Variants in MACROD2 observed in about 807,000 individuals in gnomAD.
The protein encoded by MACROD2 is ADP-ribose glycohydrolase MACROD2.
MACROD2 carries 36 observed loss-of-function variants against 70.4 expected under a neutral mutation model. That is an observed-to-expected ratio of 0.51 (90% CI 0.39 to 0.68). The LOEUF (loss-of-function observed/expected upper bound fraction) is 0.68. Among genes scored for constraint, MACROD2 ranks in the 30% least tolerant of loss-of-function variants. The probability of loss-of-function intolerance (pLI) is 0.00; values close to 1 mark genes in which losing one functional copy is unlikely to be tolerated. For synonymous variants in MACROD2, 172 were observed against 178.8 expected, an observed-to-expected ratio of 0.96 and a Z score of 0.30; for missense variants, 496 against 538.4, an observed-to-expected ratio of 0.92 and a Z score of 0.78.
At chr20:15,826,368 A>G (rs989248039) in intron 8 of MACROD2, among the ~76,000 whole-genome samples, 2 of 152,154 alleles carry the variant, frequency 1.3e-5, no homozygotes, top group Non-Finnish European at 2.9e-5. Flanking sequence ...AAAACATACT[A>G]TGTGCTAAGT....
chr20:14,185,577 A>G (rs2081337915), intron 3 of MACROD2, among the ~76,000 whole-genome samples: 1 of 152,326 alleles, frequency 6.6e-6, no homozygotes, highest in Admixed American at 6.5e-5. Flanking sequence ...GCAGAGTTAT[A>G]ACTATACATT....
chr20:15,617,148 C>T (rs2049050697), intron 8 of MACROD2, among the ~76,000 whole-genome samples: 1 of 152,098 alleles, frequency 6.6e-6, no homozygotes, highest in Admixed American at 6.6e-5. Flanking sequence ...AGGCTTTGTG[C>T]TCTTTTTCCC....
At chr20:15,544,178 A>G (rs1000520655) in intron 8 of MACROD2, among the ~76,000 whole-genome samples, 1 of 152,214 alleles carries the variant, frequency 6.6e-6, no homozygotes, top group Non-Finnish European at 1.5e-5. Flanking sequence ...AGACTCTGGG[A>G]AACAGACTTT....
At chr20:15,541,391 C>T (rs1419078482) in intron 8 of MACROD2, among the ~76,000 whole-genome samples, 4 of 151,936 alleles carry the variant, frequency 2.6e-5, no homozygotes, top group Non-Finnish European at 5.9e-5. Flanking sequence ...AAGGAAAGGG[C>T]CAAGTAGAAA....
chr20:15,221,715 G>A (rs2076863090), intron 5 of MACROD2, among the ~76,000 whole-genome samples: 1 of 152,156 alleles, frequency 6.6e-6, no homozygotes, highest in Admixed American at 6.5e-5. Flanking sequence ...TGGCATTTTG[G>A]TAGAAATTGA....
intron 3 of MACROD2, among the ~76,000 whole-genome samples, chr20:14,196,080 C>G (rs1041322162): frequency 5.9e-5 from 9 of 152,082 alleles, no homozygotes; most frequent in African/African-American, 2.2e-4. Flanking sequence ...ACAGCCTGCC[C>G]GTCTGTATGC....
At chr20:15,174,485 G>C (rs2076445119) in intron 5 of MACROD2, among the ~76,000 whole-genome samples, 1 of 152,140 alleles carries the variant, frequency 6.6e-6, no homozygotes, top group Non-Finnish European at 1.5e-5. Context: ...TGTCTTTATA[G>C]CAGCATGATT....
intron 8 of MACROD2, among the ~76,000 whole-genome samples, chr20:15,643,817 A>C (rs1403404931): frequency 6.6e-6 from 1 of 152,190 alleles, no homozygotes; most frequent in African/African-American, 2.4e-5. Flanking sequence ...AGAGGCTTAA[A>C]ATTAGATGGA....
intron 5 of MACROD2, among the ~76,000 whole-genome samples, chr20:15,129,627 G>A (rs1205079423): frequency 1.3e-5 from 2 of 152,062 alleles, no homozygotes; most frequent in Non-Finnish European, 2.9e-5. Context: ...ATCATTCCAA[G>A]TTGTTTTTAT....
intron 4 of MACROD2, among the ~76,000 whole-genome samples, chr20:14,639,045 A>G (rs900629111): frequency 2.0e-5 from 3 of 152,158 alleles, no homozygotes; most frequent in African/African-American, 7.2e-5. Context: ...AAAATAATAC[A>G]TACATACCTA....
intron 4 of MACROD2, among the ~76,000 whole-genome samples, chr20:14,684,502 A>T (rs2070974634): frequency 6.6e-6 from 1 of 152,150 alleles, no homozygotes; most frequent in African/African-American, 2.4e-5. Context: ...TCAAGTTAAT[A>T]GCTTAAAATT....
At chr20:14,379,444 A>G (rs1206771742) in intron 3 of MACROD2, among the ~76,000 whole-genome samples, 1 of 152,222 alleles carries the variant, frequency 6.6e-6, no homozygotes, top group African/African-American at 2.4e-5. Flanking sequence ...TTAAGCTTTT[A>G]ATTGTAAGAA....
chr20:14,049,971 C>T (rs2053542273), intron 2 of MACROD2, among the ~76,000 whole-genome samples: 1 of 151,556 alleles, frequency 6.6e-6, no homozygotes, highest in Non-Finnish European at 1.5e-5. Flanking sequence ...ATAATCCCAG[C>T]TACTCAGGAG....
intron 4 of MACROD2, among the ~76,000 whole-genome samples, chr20:14,630,660 A>C (rs1279901888): frequency 6.6e-6 from 1 of 152,204 alleles, no homozygotes; most frequent in Non-Finnish European, 1.5e-5. Flanking sequence ...TGTTTGATTA[A>C]AAATATGCCC....
intron 4 of MACROD2, among the ~76,000 whole-genome samples, chr20:14,576,167 A>T (rs1298345374): frequency 6.6e-6 from 1 of 152,196 alleles, no homozygotes; most frequent in Admixed American, 6.5e-5. Flanking sequence ...GAAAGAGAAG[A>T]AAGGATGTCA....
At chr20:15,244,487 A>G (rs1023356900) in intron 6 of MACROD2, among the ~76,000 whole-genome samples, 2 of 152,050 alleles carry the variant, frequency 1.3e-5, no homozygotes, top group Non-Finnish European at 2.9e-5. Context: ...GGGTCTGGAG[A>G]CATGGAAGAC....
At chr20:15,775,353 T>G (rs537085914) in intron 8 of MACROD2, among the ~76,000 whole-genome samples, 5 of 152,050 alleles carry the variant, frequency 3.3e-5, no homozygotes, top group Non-Finnish European at 5.9e-5. Flanking sequence ...GACAGAACCA[T>G]TCCATGGTCA....
chr20:15,645,989 G>A (rs1225466465), intron 8 of MACROD2, among the ~76,000 whole-genome samples: 1 of 152,044 alleles, frequency 6.6e-6, no homozygotes, highest in Non-Finnish European at 1.5e-5. Context: ...AATATCAAAA[G>A]AATGACTGGT....
chr20:14,977,948 T>C (rs1489064588), intron 5 of MACROD2, among the ~76,000 whole-genome samples: 2 of 152,206 alleles, frequency 1.3e-5, no homozygotes, highest in African/African-American at 4.8e-5. Flanking sequence ...AAAAATCCTT[T>C]GTTTTATTTG....
Sources: allele counts gnomAD v4.1 joint callset (sites outside exome capture counted in the v4.1 genomes callset), GRCh38; gene constraint gnomAD v4.1.1; transcripts MANE v1.5; gene names NCBI Gene and HGNC (gene_info 2026-07-23, HGNC 2026-07-21).